Variants in SEL1L2 observed in about 807,000 individuals in gnomAD.
The protein encoded by SEL1L2 is protein sel-1 homolog 2.
Under a neutral mutation model 98.8 loss-of-function variants are expected in SEL1L2, and 89 were observed. That is an observed-to-expected ratio of 0.90 (90% CI 0.76 to 1.07). SEL1L2 has a LOEUF of 1.07. SEL1L2 is among the 50% of genes least tolerant of loss of function. The pLI, the probability that SEL1L2 is intolerant of heterozygous loss-of-function variation, is 0.00. For missense variants in SEL1L2, 788 were observed against 812.0 expected, an observed-to-expected ratio of 0.97 and a Z score of 0.36; for synonymous variants, 262 against 278.5, an observed-to-expected ratio of 0.94 and a Z score of 0.59.
intron 5 of SEL1L2, among the ~76,000 whole-genome samples, chr20:13,908,693 G>A (rs997549778): frequency 3.3e-5 from 5 of 152,060 alleles, no homozygotes; most frequent in Non-Finnish European, 5.9e-5. Context: ...AGACTATTCC[G>A]TTAATTAATA....
At chr20:13,925,462 A>G (rs1219520976) in intron 3 of SEL1L2, among the ~76,000 whole-genome samples, 4 of 152,222 alleles carry the variant, frequency 2.6e-5, no homozygotes, top group African/African-American at 9.6e-5. Context: ...TCGGTAGAGA[A>G]CAAGCTTCCT....
At chr20:13,931,043 T>C (rs1600800414) in intron 3 of SEL1L2, among the ~76,000 whole-genome samples, 1 of 94,854 alleles carries the variant, frequency 1.1e-5, no homozygotes, top group Non-Finnish European at 2.2e-5. Context: ...GAGACAGGAG[T>C]ATCTATTTTT....
intron 15 of SEL1L2, among the ~76,000 whole-genome samples, chr20:13,866,180 A>G (rs1991002898): frequency 6.6e-6 from 1 of 152,168 alleles, no homozygotes; most frequent in African/African-American, 2.4e-5. Flanking sequence ...GGTGTAGCAG[A>G]CGTGTTTAAT....
chr20:13,903,215 G>C (rs2047763476), intron 5 of SEL1L2, among the ~76,000 whole-genome samples: 1 of 150,952 alleles, frequency 6.6e-6, no homozygotes, highest in African/African-American at 2.4e-5. Context: ...CCATTGTTAT[G>C]ACTCTAGATA....
chr20:13,916,943 A>G lies in SEL1L2; in HGVS notation c.386+2078T>C, dbSNP rs576479563. Among the ~76,000 whole-genome samples, 3 of 152,242 alleles carry G rather than the reference A, an allele frequency of 2.0e-5. No individual in the cohort carries two copies. The South Asian group carries it at 6.2e-4, about 32-fold the overall frequency. ...TTCCCACACTAATGGATGGTCTGCT[A>G]TTAGGACTGGGCTTTCTCCCTGTTC... On this transcript the variant is annotated intron_variant, in intron 4 of 19. Coordinates refer to ENST00000284951, the MANE Select transcript of SEL1L2 (RefSeq NM_025229.2).
At chr20:13,901,200 A>G (rs975204899) in intron 5 of SEL1L2, among the ~76,000 whole-genome samples, 1 of 150,932 alleles carries the variant, frequency 6.6e-6, no homozygotes, top group Non-Finnish European at 1.5e-5. Context: ...CCTCCCGAGT[A>G]GCTGGGACTA....
chr20:13,872,010 TTCA>T (rs1398561146), intron 12 of SEL1L2, among the ~76,000 whole-genome samples: 1 of 152,202 alleles, frequency 6.6e-6, no homozygotes, highest in Non-Finnish European at 1.5e-5. Context: ...CAAAAGTGGT[TTCA>T]AGACTCCAAA....
At chr20:13,971,434 T>A (rs2051278983) in intron 1 of SEL1L2, among the ~76,000 whole-genome samples, 1 of 152,192 alleles carries the variant, frequency 6.6e-6, no homozygotes, top group Non-Finnish European at 1.5e-5. Context: ...TTGTTTTGTT[T>A]TGTTTTGTTG....
chr20:13,985,384 T>C (rs2148572139), intron 1 of SEL1L2, among the ~76,000 whole-genome samples: 1 of 152,302 alleles, frequency 6.6e-6, no homozygotes, highest in African/African-American at 2.4e-5. Context: ...CCTGAAATGT[T>C]CTTGTTCTCC....
At chr20:13,923,317 G>GT (rs2048741331) in intron 3 of SEL1L2, among the ~76,000 whole-genome samples, 1 of 152,068 alleles carries the variant, frequency 6.6e-6, no homozygotes, top group African/African-American at 2.4e-5. Flanking sequence ...GACATAAAAG[G>GT]TTTTTAAAAA....
chr20:13,988,562 A>G (rs541931896), intron 1 of SEL1L2, among the ~76,000 whole-genome samples: 3 of 152,266 alleles, frequency 2.0e-5, no homozygotes, highest in Admixed American at 2.0e-4. Context: ...TCAGGACCAT[A>G]CTGTCTTGAT....
At chr20:13,879,670 T>C (rs1056351924) in intron 10 of SEL1L2, among the ~76,000 whole-genome samples, 3 of 152,160 alleles carry the variant, frequency 2.0e-5, no homozygotes, top group Admixed American at 2.0e-4. Flanking sequence ...TTTTACTTTA[T>C]TTTATTTTAA....
intron 1 of SEL1L2, among the ~76,000 whole-genome samples, chr20:13,973,072 C>A (rs1352949757): frequency 6.6e-6 from 1 of 152,044 alleles, no homozygotes. Context: ...GTATCACCTC[C>A]CTGTCTGTTT....
intron 3 of SEL1L2, among the ~76,000 whole-genome samples, chr20:13,929,691 G>A (rs1253828384): frequency 6.6e-6 from 1 of 151,482 alleles, no homozygotes; most frequent in East Asian, 1.9e-4. Flanking sequence ...TAGCAGAGAC[G>A]GGGTTTCACC....
chr20:13,860,816 C>T (rs766233011), intron 17 of SEL1L2, among the ~76,000 whole-genome samples: 1 of 152,128 alleles, frequency 6.6e-6, no homozygotes, highest in Non-Finnish European at 1.5e-5. Flanking sequence ...GGCCCAGGCT[C>T]TTATAATTGC....
rs549436800 is a variant in SEL1L2 at position 13,905,557 on chromosome 20, G to A, written c.549+8225C>T. On this transcript the variant is annotated intron_variant, in intron 5 of 19. Transcript: ENST00000284951. ...TCTCGATCTCCTGACCTCATGATCCGCCCTCCTTGGCCTCCCAAAGTGCTG... is the reference window on the plus strand; with the variant it reads ...TCTCGATCTCCTGACCTCATGATCCACCCTCCTTGGCCTCCCAAAGTGCTG... 3.9e-5 allele frequency among the ~76,000 whole-genome samples: 6 copies of A among 151,964 alleles called. No individual in the cohort carries two copies. In the East Asian group the frequency reaches 5.8e-4, roughly 15 times the overall value.
chr20:13,859,463 C>A (rs1989731767), intron 17 of SEL1L2, 29 bp from the exon 18 acceptor site: 2 of 1,580,706 alleles, frequency 1.3e-6, no homozygotes, highest in South Asian at 1.1e-5. Context: ...AAAAAAGAAT[C>A]ATAACTCAAA....
At chr20:13,946,681 A>T (rs1190441359) in intron 2 of SEL1L2, among the ~76,000 whole-genome samples, 3 of 152,228 alleles carry the variant, frequency 2.0e-5, no homozygotes, top group Non-Finnish European at 4.4e-5. Flanking sequence ...GCACAGCTGT[A>T]GCCGCCCAGC....
intron 5 of SEL1L2, among the ~76,000 whole-genome samples, chr20:13,896,022 A>G (rs921580720): frequency 6.6e-5 from 10 of 152,058 alleles, no homozygotes; most frequent in Admixed American, 2.6e-4. Flanking sequence ...AAAATACAAA[A>G]AAATTAGGCA....
Sources: gnomAD v4.1 joint callset for allele counts (sites outside exome capture counted in the v4.1 genomes callset) on GRCh38, gnomAD v4.1.1 for gene constraint, MANE v1.5 for transcripts, NCBI Gene and HGNC (gene_info 2026-07-23, HGNC 2026-07-21) for gene names.